BTBD10: variants seen among roughly 807,000 people sequenced by gnomAD.
BTBD10 encodes BTB domain containing 10.
BTBD10 carries 21 observed loss-of-function variants against 53.2 expected under a neutral mutation model. That is an observed-to-expected ratio of 0.39 (90% confidence interval 0.28 to 0.57). The LOEUF (loss-of-function observed/expected upper bound fraction) is 0.57, where lower values mean the gene tolerates loss of function less well. BTBD10 is among the 20% of genes least tolerant of loss of function. BTBD10 has a pLI of 0.53. For synonymous variants in BTBD10, 149 were observed against 192.7 expected, an observed-to-expected ratio of 0.77 and a Z score of 1.88; for missense variants, 360 against 594.7, an observed-to-expected ratio of 0.61 and a Z score of 4.10.
At chr11:13,459,345 ACCATGCCT>A (rs979561924) in intron 1 of BTBD10, among the ~76,000 whole-genome samples, 7 of 152,160 alleles carry the variant, frequency 4.6e-5, no homozygotes, top group Admixed American at 3.3e-4. Flanking sequence ...GGCGTGAGCC[ACCATGCCT>A]GGCTGGCTGA....
chr11:13,444,678 G>A (rs901369672), intron 2 of BTBD10, among the ~76,000 whole-genome samples: 3 of 152,096 alleles, frequency 2.0e-5, no homozygotes, highest in African/African-American at 4.8e-5. Flanking sequence ...GGTATACAAT[G>A]TATTTAGAGC....
Position 13,388,673 on chromosome 11 carries a change from T to C in BTBD10, c.*158A>G. 1 of 729,516 alleles carries C rather than the reference T, an allele frequency of 1.4e-6. No homozygotes were observed. Among genetic ancestry groups the C allele is most frequent in the South Asian group, 2.3e-5 (1 of 43,664 alleles). 45.2% of individuals were successfully genotyped at this position (729,516 alleles called of 1,614,324 possible). A position where few individuals can be genotyped will look rare whatever the true frequency, so the allele number is the denominator to read the frequency against. ...GTTGTACTCATTTAAAAAAAAACCA[T>C]TCAGCTACCTTTGGTCTTTAAAAAA... is the stretch of plus-strand genomic sequence containing the variant. On this transcript the variant is annotated 3_prime_UTR_variant, in exon 9 of 9. Transcript: ENST00000278174.
chr11:13,443,576 A>T (rs1314319855), intron 2 of BTBD10, among the ~76,000 whole-genome samples: 1 of 151,728 alleles, frequency 6.6e-6, no homozygotes, highest in East Asian at 1.9e-4. Context: ...ATACAGCCCC[A>T]CATTTAATGT....
At chr11:13,410,484 C>T (rs1342602143) in intron 6 of BTBD10, among the ~76,000 whole-genome samples, 1 of 152,142 alleles carries the variant, frequency 6.6e-6, no homozygotes, top group Non-Finnish European at 1.5e-5. Context: ...GCTCCTCCCA[C>T]CTCAGCCTCT....
chr11:13,439,771 GTAAATGATCA>G lies in BTBD10; in HGVS notation c.101+5243_101+5252del. 3 of 817,132 alleles carry G rather than the reference GTAAATGATCA, an allele frequency of 3.7e-6. No individual in the cohort carries two copies. The East Asian group carries it at 8.8e-5, about 24-fold the overall frequency. The allele number at this position is 817,132 out of a possible 1,614,324, so 50.6% of individuals were successfully genotyped here. A position where few individuals can be genotyped will look rare whatever the true frequency, so the allele number is the denominator to read the frequency against. ...ACATATGATCTTTATCTTTAGTCAT[GTAAATGATCA>G]TAATGAAACAAAGGTCACACATATC... On this transcript the variant is annotated intron_variant, in intron 2 of 8. Coordinates refer to ENST00000278174, the MANE Select transcript of BTBD10 (RefSeq NM_032320.7).
chr11:13,416,386 C>A (rs1352032456), intron 5 of BTBD10, among the ~76,000 whole-genome samples: 4 of 151,754 alleles, frequency 2.6e-5, no homozygotes, highest in Admixed American at 2.0e-4. Context: ...CAAAAAAAAC[C>A]CAATAAAAAA....
At chr11:13,436,328 TAGC>T (rs1432229279) in intron 2 of BTBD10, among the ~76,000 whole-genome samples, 1 of 152,214 alleles carries the variant, frequency 6.6e-6, no homozygotes, top group African/African-American at 2.4e-5. Context: ...GTAGAATGTT[TAGC>T]AGCATCCCTA....
At chr11:13,445,235 G>A in intron 1 of BTBD10, 54 bp from the exon 2 acceptor site, 1 of 656,054 alleles carries the variant, frequency 1.5e-6, no homozygotes, top group Non-Finnish European at 2.6e-6. Context: ...GAATAAAATA[G>A]TCATAGAATT....
intron 2 of BTBD10, among the ~76,000 whole-genome samples, chr11:13,442,636 T>C (rs1950679122): frequency 6.6e-6 from 1 of 152,198 alleles, no homozygotes; most frequent in Non-Finnish European, 1.5e-5. Context: ...CTGATAATTA[T>C]TCTTTCTCTG....
chr11:13,421,922 A>C (rs1950249763), intron 2 of BTBD10, 84 bp from the exon 3 acceptor site: 1 of 1,108,132 alleles, frequency 9.0e-7, no homozygotes, highest in Admixed American at 3.0e-5. Context: ...AGTAACAAAA[A>C]ACTAGTATCT....
chr11:13,457,014 T>G (rs1479317120), intron 1 of BTBD10, among the ~76,000 whole-genome samples: 1 of 151,902 alleles, frequency 6.6e-6, no homozygotes, highest in Non-Finnish European at 1.5e-5. Context: ...ATACAAAAAT[T>G]AGCCAAGCAT....
intron 6 of BTBD10, among the ~76,000 whole-genome samples, chr11:13,410,160 A>G (rs1949908922): frequency 2.6e-5 from 4 of 152,184 alleles, no homozygotes; most frequent in Admixed American, 6.5e-5. Flanking sequence ...TAAAATTTAA[A>G]AAAAATTAAA....
At chr11:13,456,690 A>G (rs1260929743) in intron 1 of BTBD10, among the ~76,000 whole-genome samples, 1 of 152,216 alleles carries the variant, frequency 6.6e-6, no homozygotes, top group Non-Finnish European at 1.5e-5. Context: ...AAAACAGACA[A>G]TGCACAAAGA....
chr11:13,423,454 T>A (rs1950280850), intron 2 of BTBD10, among the ~76,000 whole-genome samples: 1 of 152,200 alleles, frequency 6.6e-6, no homozygotes. Flanking sequence ...ACGACATAAT[T>A]ACTCATGAAA....
intron 2 of BTBD10, among the ~76,000 whole-genome samples, chr11:13,428,614 A>G (rs1339532514): frequency 1.3e-5 from 2 of 152,202 alleles, no homozygotes; most frequent in East Asian, 3.8e-4. Flanking sequence ...CACAAATCTT[A>G]GAACACAAAT....
intron 6 of BTBD10, among the ~76,000 whole-genome samples, chr11:13,409,482 TA>T (rs1447851121): frequency 1.3e-5 from 2 of 152,198 alleles, no homozygotes; most frequent in Admixed American, 1.3e-4. Context: ...GTTTAATTCA[TA>T]AATTTTGTTT....
intron 8 of BTBD10, among the ~76,000 whole-genome samples, chr11:13,394,097 G>C (rs894063936): frequency 6.6e-6 from 1 of 152,158 alleles, no homozygotes; most frequent in African/African-American, 2.4e-5. Context: ...AAAATTTTTA[G>C]GTAATGATTA....
At chr11:13,391,167 T>G (rs904774121) in intron 8 of BTBD10, among the ~76,000 whole-genome samples, 12 of 152,326 alleles carry the variant, frequency 7.9e-5, no homozygotes, top group Middle Eastern at 6.8e-3. Flanking sequence ...TACAAGGCTT[T>G]TTTTACAGCC....
At chr11:13,405,444 T>C (rs1352510225) in intron 7 of BTBD10, 1 of 548,110 alleles carries the variant, frequency 1.8e-6, no homozygotes, top group African/African-American at 1.9e-5. Context: ...AATAAATACT[T>C]TGGGCATTGC....
Sources: gnomAD v4.1 joint callset for allele counts (sites outside exome capture counted in the v4.1 genomes callset) on GRCh38, gnomAD v4.1.1 for gene constraint, MANE v1.5 for transcripts, NCBI Gene and HGNC (gene_info 2026-07-23, HGNC 2026-07-21) for gene names.